Variants in BTBD16 observed in about 807,000 individuals in gnomAD.
The protein encoded by BTBD16 is BTB domain containing 16, also known as BTB/POZ domain-containing protein 16.
Under a neutral mutation model 67.4 loss-of-function variants are expected in BTBD16, and 66 were observed. The ratio of observed to expected loss-of-function variants is 0.98; its 90% CI spans 0.80 to 1.20. BTBD16 has a LOEUF of 1.20. BTBD16 is among the 50% of genes most tolerant of loss of function. The pLI is 0.00. For missense variants in BTBD16, 634 were observed against 616.0 expected, an observed-to-expected ratio of 1.03 and a Z score of -0.31; for synonymous variants, 242 against 236.4, an observed-to-expected ratio of 1.02 and a Z score of -0.22.
At chr10:122,322,901 C>G (rs751062754) in intron 10 of BTBD16, among the ~76,000 whole-genome samples, 1 of 152,154 alleles carries the variant, frequency 6.6e-6, no homozygotes, top group Non-Finnish European at 1.5e-5. Flanking sequence ...TCTCTGTAAG[C>G]TTTCTCACTT....
chr10:122,280,293 G>A (rs892063374), intron 3 of BTBD16, among the ~76,000 whole-genome samples: 5 of 152,212 alleles, frequency 3.3e-5, no homozygotes, highest in African/African-American at 1.2e-4. Flanking sequence ...TGTCCCTGGG[G>A]TCCACAGGCG....
intron 1 of BTBD16, among the ~76,000 whole-genome samples, chr10:122,274,624 C>G (rs1006045395): frequency 2.0e-5 from 3 of 152,210 alleles, no homozygotes; most frequent in African/African-American, 7.2e-5. Context: ...GGGTGACCAT[C>G]AGTCTACAGA....
intron 10 of BTBD16, among the ~76,000 whole-genome samples, chr10:122,309,697 C>T (rs184765004): frequency 5.9e-5 from 9 of 152,040 alleles, no homozygotes; most frequent in Admixed American, 5.9e-4. Context: ...TGATCTCAAA[C>T]TCCTGGTCTC....
chr10:122,289,986 G>A lies in BTBD16; in HGVS notation c.463G>A (p.Val155Ile). The A allele has an allele frequency of 6.2e-7, 1 of 1,610,786 alleles. No homozygotes were observed. Among genetic ancestry groups the A allele is most frequent in the Non-Finnish European group, 8.5e-7 (1 of 1,177,272 alleles). ...IISLKINDPL[V>I]TKVAFATALK... is the part of the protein sequence containing the mutation. ...TTCCTTGAAGATCAATGACCCACTGGTCACTAAAGTCGGTATGTATATACC... is the reference window on the plus strand; with the variant it reads ...TTCCTTGAAGATCAATGACCCACTGATCACTAAAGTCGGTATGTATATACC... The change falls in exon 6 of 16, where the codon GTC becomes ATC. Residue 155 changes from valine (V) to isoleucine (I), a missense_variant. Coordinates refer to ENST00000260723, the MANE Select transcript of BTBD16 (RefSeq NM_144587.5).
intron 9 of BTBD16, among the ~76,000 whole-genome samples, chr10:122,302,643 C>T (rs2096396333): frequency 6.6e-6 from 1 of 152,218 alleles, no homozygotes; most frequent in African/African-American, 2.4e-5. Flanking sequence ...CTATGGGTGT[C>T]TGGGACACCC....
intron 10 of BTBD16, 71 bp downstream of exon 10, chr10:122,307,379 C>T (rs554057496): frequency 4.1e-5 from 58 of 1,406,608 alleles, no homozygotes; most frequent in African/African-American, 4.4e-5. Flanking sequence ...CATAATATCA[C>T]GGGGGAAAAC....
At chr10:122,327,834 C>G (rs766499573) in intron 10 of BTBD16, among the ~76,000 whole-genome samples, 16 of 152,180 alleles carry the variant, frequency 1.1e-4, no homozygotes, top group Non-Finnish European at 1.9e-4. Flanking sequence ...CTTGCCATGC[C>G]AAGGCACATC....
Position 122,297,819 on chromosome 10 carries a change from C to T in BTBD16, c.642C>T (p.Phe214=), listed in dbSNP as rs768370657. 1.9e-5 allele frequency: 31 copies of T among 1,614,052 alleles called. No individual in the cohort carries two copies. The highest frequency in any genetic ancestry group is 2.7e-5 in the African/African-American group (2 of 74,942). The change falls in exon 8 of 16, where the codon TTC becomes TTT. Residue 214 remains phenylalanine, a synonymous_variant. Transcript: ENST00000260723. The part of the protein sequence containing the change: ...ARLKPSTIKK[F]YEAGCKYKEE... ...TCAAGCCAAGCACCATCAAGAAATT[C>T]TACGAGGCCGGCTGCAAGGTGAGAA...
At chr10:122,285,312 C>T (rs2096361539) in intron 4 of BTBD16, among the ~76,000 whole-genome samples, 1 of 152,198 alleles carries the variant, frequency 6.6e-6, no homozygotes, top group Non-Finnish European at 1.5e-5. Flanking sequence ...GTTTCGCCAT[C>T]TGCCCTCCTC....
At chr10:122,282,406 A>C (rs2096354975) in intron 3 of BTBD16, among the ~76,000 whole-genome samples, 1 of 152,100 alleles carries the variant, frequency 6.6e-6, no homozygotes, top group South Asian at 2.1e-4. Flanking sequence ...CCCCCCTTGG[A>C]AAGGGCAGCA....
At chr10:122,273,209 C>T (rs1347613486) in intron 1 of BTBD16, among the ~76,000 whole-genome samples, 1 of 110,364 alleles carries the variant, frequency 9.1e-6, no homozygotes, top group African/African-American at 3.5e-5. Context: ...GAAATAAAAA[C>T]AGCAACACAA....
intron 6 of BTBD16, 117 bp from the exon 7 acceptor site, chr10:122,290,963 G>A (rs1421055097): frequency 8.6e-6 from 12 of 1,388,036 alleles, no homozygotes; most frequent in African/African-American, 2.9e-5. Flanking sequence ...GTGAGAGGTG[G>A]CGCATTTTCT....
intron 10 of BTBD16, among the ~76,000 whole-genome samples, chr10:122,308,276 G>A (rs1413460152): frequency 6.6e-6 from 1 of 152,152 alleles, no homozygotes; most frequent in African/African-American, 2.4e-5. Flanking sequence ...CAAAGTTGCT[G>A]TTTCCAAGGC....
intron 10 of BTBD16, among the ~76,000 whole-genome samples, chr10:122,317,020 C>G (rs962199847): frequency 1.3e-5 from 2 of 152,164 alleles, no homozygotes; most frequent in African/African-American, 2.4e-5. Flanking sequence ...AACTCCCGAC[C>G]TCAGGTGATC....
chr10:122,276,957 T>G lies in BTBD16; in HGVS notation c.167+18T>G. The G allele has an allele frequency of 6.2e-7, 1 of 1,607,344 alleles. No homozygotes were observed. Among genetic ancestry groups the G allele is most frequent in the Non-Finnish European group, 8.5e-7 (1 of 1,175,316 alleles). On this transcript the variant is annotated intron_variant, in intron 3 of 15. Transcript: ENST00000260723. ...CCAGACAGGTATGGAGACTCAAAGG[T>G]TTGTGGGAGGGAATGGCCCATTATT...
intron 9 of BTBD16, among the ~76,000 whole-genome samples, chr10:122,305,193 G>A (rs891583299): frequency 4.6e-5 from 7 of 152,184 alleles, no homozygotes; most frequent in African/African-American, 1.7e-4. Flanking sequence ...GGGTACATGT[G>A]CAGGTTGTAC....
intron 8 of BTBD16, among the ~76,000 whole-genome samples, chr10:122,298,749 C>T (rs184118916): frequency 3.3e-5 from 5 of 152,176 alleles, no homozygotes; most frequent in African/African-American, 1.2e-4. Flanking sequence ...GTTTCCCCAC[C>T]GGTGACCTAG....
At chr10:122,325,343 T>C (rs943949391) in intron 10 of BTBD16, among the ~76,000 whole-genome samples, 1 of 152,136 alleles carries the variant, frequency 6.6e-6, no homozygotes, top group African/African-American at 2.4e-5. Context: ...GAGCTTGCAA[T>C]CTAGGAGCAG....
intron 10 of BTBD16, among the ~76,000 whole-genome samples, chr10:122,319,830 T>C: frequency 6.6e-6 from 1 of 152,164 alleles, no homozygotes; most frequent in Non-Finnish European, 1.5e-5. Context: ...CTTAACAAGA[T>C]TGAGTCTTCT....
Sources: allele counts gnomAD v4.1 joint callset (sites outside exome capture counted in the v4.1 genomes callset), GRCh38; gene constraint gnomAD v4.1.1; transcripts MANE v1.5; gene names NCBI Gene and HGNC (gene_info 2026-07-23, HGNC 2026-07-21).